The following ZSCAN4 variants were observed in gnomAD, a reference collection of about 807,000 sequenced individuals.
ZSCAN4 encodes the protein zinc finger and SCAN domain-containing protein 4.
ZSCAN4 carries 18 observed loss-of-function variants against 18.3 expected under a neutral mutation model. The ratio of observed to expected loss-of-function variants is 0.98; its 90% CI spans 0.68 to 1.46. The LOEUF (loss-of-function observed/expected upper bound fraction) is 1.46. Ranked by LOEUF, ZSCAN4 falls within the 40% of genes most tolerant of loss-of-function variation. ZSCAN4 has a pLI of 0.00. For missense variants in ZSCAN4, 498 were observed against 511.4 expected (o/e 0.97, Z 0.25); for synonymous variants, 193 against 180.3 (o/e 1.07, Z -0.57).
chr19:57,662,494 T>C, the ZSCAN4 span, among the ~76,000 whole-genome samples: 26,333 of 152,166 alleles, frequency 0.17, 2,363 homozygotes, highest in East Asian at 0.27. Flanking sequence ...TACATATTAA[T>C]GGCTTACTTA....
upstream of ZSCAN4, among the ~76,000 whole-genome samples, chr19:57,665,725 C>G (rs1983834249): frequency 6.6e-6 from 1 of 152,036 alleles, no homozygotes; most frequent in South Asian, 2.1e-4. Flanking sequence ...CGAGACCAGC[C>G]TGACCAAAAT....
At chr19:57,677,418 C>CA (rs1984218673) in intron 3 of ZSCAN4, among the ~76,000 whole-genome samples, 1 of 81,422 alleles carries the variant, frequency 1.2e-5, no homozygotes, top group African/African-American at 8.5e-5. Flanking sequence ...TTTAGTGGCA[C>CA]ATTTTTTTTT....
Position 57,678,788 on chromosome 19 carries a change from T to G in ZSCAN4, c.1185T>G (p.Pro395=), listed in dbSNP as rs1279372003. 9.9e-6 allele frequency: 16 copies of G among 1,614,012 alleles called. No homozygotes were observed. The Admixed American group carries it at 2.7e-4, about 27-fold the overall frequency. Reference sequence around the variant, plus strand: ...AGAGAATCCACACAGGAGAAAAGCCTTATACATGTCCCTTTTGTAAGACAA... The same window carrying G: ...AGAGAATCCACACAGGAGAAAAGCCGTATACATGTCCCTTTTGTAAGACAA... Residue 395 remains proline, a synonymous_variant, in exon 5 of 5, where the codon CCT becomes CCG. Coordinates refer to ENST00000318203, the Ensembl canonical transcript of ZSCAN4.
At chr19:57,676,186 C>A in exon 3 of ZSCAN4, 1 of 1,614,002 alleles carries the variant, frequency 6.2e-7, no homozygotes, top group Non-Finnish European at 8.5e-7. Flanking sequence ...TGTGAACCAT[C>A]CGAGAATAAT....
At chr19:57,659,719 C>T in the ZSCAN4 span, among the ~76,000 whole-genome samples, 3 of 152,176 alleles carry the variant, frequency 2.0e-5, no homozygotes, top group African/African-American at 4.8e-5. Context: ...GCTCTATATT[C>T]TGCTACCAAA....
chr19:57,657,293 C>CA, the ZSCAN4 span, among the ~76,000 whole-genome samples: 7,083 of 94,902 alleles, frequency 0.075, 231 homozygotes, highest in Admixed American at 0.13. Flanking sequence ...GACTCCATGT[C>CA]AAAAAAAAAA....
the ZSCAN4 span, among the ~76,000 whole-genome samples, chr19:57,653,544 G>GA: frequency 6.6e-6 from 1 of 151,976 alleles, no homozygotes; most frequent in African/African-American, 2.4e-5. Context: ...CTGATATTCA[G>GA]AAAAAAACTC....
chr19:57,665,631 A>C (rs1207110614), upstream of ZSCAN4, among the ~76,000 whole-genome samples: 2 of 152,142 alleles, frequency 1.3e-5, no homozygotes, highest in African/African-American at 4.8e-5. Flanking sequence ...TTCTAAAATT[A>C]ATCCAAGGCC....
At chr19:57,676,534 C>T (rs1218239331) in exon 3 of ZSCAN4, 1 of 1,612,590 alleles carries the variant, frequency 6.2e-7, no homozygotes, top group Non-Finnish European at 8.5e-7. Context: ...ATAAATCCAC[C>T]TGCCTTAGTG....
chr19:57,652,092 A>G, the ZSCAN4 span, among the ~76,000 whole-genome samples: 2 of 152,078 alleles, frequency 1.3e-5, no homozygotes, highest in Non-Finnish European at 2.9e-5. Flanking sequence ...GATTGGAATC[A>G]GGATACTCAC....
exon 5 of ZSCAN4, chr19:57,678,324 T>C (rs752675270): frequency 6.2e-7 from 1 of 1,614,086 alleles, no homozygotes; most frequent in South Asian, 1.1e-5. Context: ...TGACAACCCA[T>C]ACAACTCAAA....
intron 3 of ZSCAN4, 44 bp from the exon 4 acceptor site, chr19:57,677,870 A>G (rs1984232301): frequency 6.7e-7 from 1 of 1,486,896 alleles, no homozygotes; most frequent in African/African-American, 1.4e-5. Flanking sequence ...GTCTTCTGTT[A>G]CACAACAGAT....
chr19:57,679,080 T>A, exon 5 of ZSCAN4: 1 of 635,400 alleles, frequency 1.6e-6, no homozygotes, highest in Non-Finnish European at 2.3e-6. Context: ...TTCACTAAAG[T>A]ATTCCAAGTG....
the ZSCAN4 span, among the ~76,000 whole-genome samples, chr19:57,660,483 A>G: frequency 6.6e-6 from 1 of 152,348 alleles, no homozygotes; most frequent in African/African-American, 2.4e-5. Flanking sequence ...TTCTGTCATC[A>G]GCAGAAGACT....
the ZSCAN4 span, among the ~76,000 whole-genome samples, chr19:57,656,190 C>T: frequency 6.6e-6 from 1 of 152,124 alleles, no homozygotes; most frequent in Non-Finnish European, 1.5e-5. Flanking sequence ...TTGCAATGGA[C>T]ACCAGAGAGC....
At chr19:57,675,141 CTTTTTTTTT>C (rs1171741360) in intron 2 of ZSCAN4, among the ~76,000 whole-genome samples, 1 of 78,074 alleles carries the variant, frequency 1.3e-5, no homozygotes, top group Non-Finnish European at 2.3e-5. Context: ...GTGCGTGTGG[CTTTTTTTTT>C]TTTTTTTTTT....
At chr19:57,677,544 G>A (rs151198316) in intron 3 of ZSCAN4, among the ~76,000 whole-genome samples, 1 of 152,218 alleles carries the variant, frequency 6.6e-6, no homozygotes, top group Non-Finnish European at 1.5e-5. Context: ...TAATACATGT[G>A]TTGGATCCTC....
the ZSCAN4 span, among the ~76,000 whole-genome samples, chr19:57,652,668 G>C: frequency 6.6e-6 from 1 of 151,712 alleles, no homozygotes; most frequent in African/African-American, 2.4e-5. Flanking sequence ...ACACAGTCCT[G>C]TGCCTAACAC....
At chr19:57,674,267 A>G (rs1984111928) in intron 2 of ZSCAN4, among the ~76,000 whole-genome samples, 1 of 152,282 alleles carries the variant, frequency 6.6e-6, no homozygotes, top group African/African-American at 2.4e-5. Flanking sequence ...TAGTGTACCT[A>G]TTACTTAAAT....
Sources: allele counts gnomAD v4.1 joint callset (sites outside exome capture counted in the v4.1 genomes callset), GRCh38; gene constraint gnomAD v4.1.1; transcripts MANE v1.5; gene names NCBI Gene and HGNC (gene_info 2026-07-23, HGNC 2026-07-21).